The following RECQL5 variants were observed in gnomAD, a reference collection of about 807,000 sequenced individuals.
RECQL5 encodes ATP-dependent DNA helicase Q5.
RECQL5 carries 88 observed loss-of-function variants against 103.4 expected under a neutral mutation model. That is an observed-to-expected ratio of 0.85 (90% confidence interval 0.72 to 1.02). RECQL5 has a LOEUF of 1.02. Among genes scored for constraint, RECQL5 ranks in the 50% least tolerant of loss-of-function variants. The pLI is 0.00. For missense variants in RECQL5, 1,232 were observed against 1,284.3 expected, an observed-to-expected ratio of 0.96 and a Z score of 0.62; for synonymous variants, 552 against 507.9, an observed-to-expected ratio of 1.09 and a Z score of -1.17.
chr17:75,633,971 G>A (rs1355201757), intron 8 of RECQL5: 1 of 985,510 alleles, frequency 1.0e-6, no homozygotes, highest in Non-Finnish European at 1.2e-6. Context: ...TGGAGGACAA[G>A]TTCCCAAGCA....
Position 75,662,420 on chromosome 17 carries a change from TCCATCA to T in RECQL5, c.771+53_771+58del. ...CAAAGGTCTTAGACTAATCTCCATC[TCCATCA>T]CATCGCACCCCACTGCTCTAACAGC... On this transcript the variant is annotated intron_variant, in intron 4 of 19. Coordinates refer to ENST00000317905, the MANE Select transcript of RECQL5 (RefSeq NM_004259.7). The T allele has an allele frequency of 2.6e-6, 4 of 1,544,338 alleles. No homozygotes were observed. In the South Asian group the frequency reaches 4.9e-5, roughly 19 times the overall value.
intron 7 of RECQL5, among the ~76,000 whole-genome samples, chr17:75,655,881 T>C (rs1167395056): frequency 6.6e-6 from 1 of 151,474 alleles, no homozygotes; most frequent in African/African-American, 2.4e-5. Flanking sequence ...CGGGCTTCAC[T>C]ATGTTGGGCC....
intron 17 of RECQL5, 34 bp from the exon 18 acceptor site, chr17:75,628,476 G>T: frequency 6.2e-7 from 1 of 1,602,636 alleles, no homozygotes; most frequent in Non-Finnish European, 8.5e-7. Context: ...TCACTCCTGA[G>T]CTCCCTTCCA....
chr17:75,634,634 A>G (rs965765751), intron 8 of RECQL5, among the ~76,000 whole-genome samples: 1 of 152,134 alleles, frequency 6.6e-6, no homozygotes, highest in Non-Finnish European at 1.5e-5. Flanking sequence ...CCCAGCCAGC[A>G]TGCGGCGCCC....
At chr17:75,653,663 C>G (rs562883070) in intron 7 of RECQL5, among the ~76,000 whole-genome samples, 1 of 152,256 alleles carries the variant, frequency 6.6e-6, no homozygotes, top group East Asian at 1.9e-4. Context: ...CTTTGGGAGG[C>G]TGAGGTAGGT....
Position 75,667,101 on chromosome 17 carries a change from T to C in RECQL5, c.-72A>G. 4.4e-6 allele frequency: 2 copies of C among 452,668 alleles called. No homozygotes were observed. The highest frequency in any genetic ancestry group is 3.9e-6 in the Non-Finnish European group (1 of 254,030). The allele number at this position is 452,668 out of a possible 1,614,324, so 28.0% of individuals were successfully genotyped here. ...GGCTGCTGGCTGGTTCCGGAACTGT[T>C]CGAAGACCCCTATACACAACCCCAA... On this transcript the variant is annotated 5_prime_UTR_variant, in exon 1 of 20. Coordinates refer to ENST00000317905, the MANE Select transcript of RECQL5 (RefSeq NM_004259.7).
chr17:75,640,768 C>A lies in RECQL5; in HGVS notation c.1230-9100G>T. ...CCTTTCTCTCCCCCAACCTGAGTCC[C>A]GTGCTCTCTCCCGGCCCTCCAGCTA... On this transcript the variant is annotated intron_variant, in intron 8 of 19. Coordinates refer to ENST00000317905, the MANE Select transcript of RECQL5 (RefSeq NM_004259.7). The surrounding 1 kb of genome is among the most constrained non-coding windows in gnomAD (Gnocchi z 4.6). 1 of 1,547,302 alleles carries A rather than the reference C, an allele frequency of 6.5e-7. No individual in the cohort carries two copies. The highest frequency in any genetic ancestry group is 8.7e-7 in the Non-Finnish European group (1 of 1,144,850).
Position 75,627,651 on chromosome 17 carries a change from C to T in RECQL5, c.2847G>A (p.Leu949=). 2 of 1,612,302 alleles carry T rather than the reference C, an allele frequency of 1.2e-6. No homozygotes were observed. The highest frequency in any genetic ancestry group is 1.1e-5 in the South Asian group (1 of 90,824). Residue 949 remains leucine (L), a synonymous_variant, in exon 19 of 20, where the codon CTG becomes CTA. Coordinates refer to ENST00000317905, the MANE Select transcript of RECQL5 (RefSeq NM_004259.7). ...KGFARHLSHL[L]TQKTSPGRSV... ...TCCTTCCAGGAGAGGTCTTCTGAGTCAGCAAGTGTGAGAGGTGGCGGGCAA... is the reference window on the plus strand; with the variant it reads ...TCCTTCCAGGAGAGGTCTTCTGAGTTAGCAAGTGTGAGAGGTGGCGGGCAA...
In RECQL5 at chr17:75,640,773, T is replaced by C. The variant is rs778653203; in HGVS notation, c.1230-9105A>G. 2 of 1,547,784 alleles carry C rather than the reference T, an allele frequency of 1.3e-6. No homozygotes were observed. The highest frequency in any genetic ancestry group is 1.2e-5 in the South Asian group (1 of 84,008). On this transcript the variant is annotated intron_variant, in intron 8 of 19. Transcript: ENST00000317905. This position sits in a 1 kb window ranked among gnomAD's most constrained non-coding sequence, Gnocchi z 4.6. ...CTCTCCCCCAACCTGAGTCCCGTGC[T>C]CTCTCCCGGCCCTCCAGCTACTGTT...
At chr17:75,650,694 C>G in intron 8 of RECQL5, 1 of 1,613,976 alleles carries the variant, frequency 6.2e-7, no homozygotes, top group African/African-American at 1.3e-5. Context: ...CCCTCAGACT[C>G]TTTCCGTGGC....
At chr17:75,627,742 G>A (rs749585124) in intron 18 of RECQL5, 50 bp from the exon 19 acceptor site, 48 of 1,523,760 alleles carry the variant, frequency 3.2e-5, no homozygotes, top group East Asian at 9.5e-5. Flanking sequence ...CTTGGTGGCC[G>A]GGCGCAGTGG....
At chr17:75,645,795 G>C (rs1367659591) in intron 8 of RECQL5, among the ~76,000 whole-genome samples, 1 of 152,174 alleles carries the variant, frequency 6.6e-6, no homozygotes, top group African/African-American at 2.4e-5. Flanking sequence ...ATCACCTGGG[G>C]ATGTGTAAAC....
rs370893540 is a variant in RECQL5 at position 75,667,121 on chromosome 17, C to T, written c.-92G>A. 6.4e-5 allele frequency: 33 copies of T among 519,078 alleles called. No individual in the cohort carries two copies. The East Asian group carries it at 8.8e-4, about 14-fold the overall frequency. The allele number at this position is 519,078 out of a possible 1,614,324, so 32.2% of individuals were successfully genotyped here. A position where few individuals can be genotyped will look rare whatever the true frequency, so the allele number is the denominator to read the frequency against. On this transcript the variant is annotated 5_prime_UTR_variant, in exon 1 of 20. Transcript: ENST00000317905. ...ACTGTTCGAAGACCCCTATACACAA[C>T]CCCAACTCAGAGAAGCCAAAGCGCT...
chr17:75,663,074 C>T (rs2059720550), intron 3 of RECQL5, 77 bp from the exon 4 acceptor site: 3 of 1,404,440 alleles, frequency 2.1e-6, no homozygotes, highest in Non-Finnish European at 2.9e-6. Flanking sequence ...GAGGATTTCC[C>T]AGTCATAAAC....
chr17:75,643,096 C>T (rs1030627436), intron 8 of RECQL5, among the ~76,000 whole-genome samples: 7 of 152,340 alleles, frequency 4.6e-5, no homozygotes, highest in Middle Eastern at 3.4e-3. Flanking sequence ...GCACCCCTCC[C>T]GGAAGAAAAA....
At position 75,639,911 on chromosome 17, in the gene RECQL5, C is replaced by T. The variant is rs2059401405; in HGVS notation, c.1230-8243G>A. 8.8e-6 allele frequency: 3 copies of T among 340,508 alleles called. No individual in the cohort carries two copies. The South Asian group carries it at 1.9e-4, about 21-fold the overall frequency. 21.1% of individuals were successfully genotyped at this position (340,508 alleles called of 1,614,324 possible). A position where few individuals can be genotyped will look rare whatever the true frequency, so the allele number is the denominator to read the frequency against. On this transcript the variant is annotated intron_variant, in intron 8 of 19. Transcript: ENST00000317905. ...GAACAGCGAAGCCAGAAACCACCACCAGCCGCCGCCTTGGCCGGCAGCCCC... is the reference window on the plus strand; with the variant it reads ...GAACAGCGAAGCCAGAAACCACCACTAGCCGCCGCCTTGGCCGGCAGCCCC...
chr17:75,666,947 C>T, intron 1 of RECQL5, 97 bp downstream of exon 1: 1 of 258,398 alleles, frequency 3.9e-6, no homozygotes, highest in Non-Finnish European at 7.5e-6. Context: ...TTCTTCCACC[C>T]CGGGACCCCG....
At chr17:75,659,213 C>G (rs1245207191) in intron 6 of RECQL5, among the ~76,000 whole-genome samples, 1 of 152,164 alleles carries the variant, frequency 6.6e-6, no homozygotes, top group African/African-American at 2.4e-5. Flanking sequence ...AGGTGGGCGC[C>G]ACCATGCCCA....
rs2059113844 is a variant in RECQL5, at chr17:75,627,319, A to AG, written c.*102dup. 2.2e-6 allele frequency: 2 copies of AG among 890,334 alleles called. No individual in the cohort carries two copies. The highest frequency in any genetic ancestry group is 3.7e-6 in the Non-Finnish European group (2 of 542,714). The allele number at this position is 890,334 out of a possible 1,614,324, so 55.2% of individuals were successfully genotyped here. A position where few individuals can be genotyped will look rare whatever the true frequency, so the allele number is the denominator to read the frequency against. On this transcript the variant is annotated 3_prime_UTR_variant, in exon 20 of 20. Coordinates refer to ENST00000317905, the MANE Select transcript of RECQL5 (RefSeq NM_004259.7). ...AAGCCAAGTATGGTTGGAAAGGAGA[A>AG]GGACTGAGAAAAGACGATGGCCCTG... is the stretch of plus-strand genomic sequence containing the variant.
Sources: allele counts gnomAD v4.1 joint callset (sites outside exome capture counted in the v4.1 genomes callset), GRCh38; gene constraint gnomAD v4.1.1; non-coding constraint Gnocchi (gnomAD v3.1); transcripts MANE v1.5; gene names NCBI Gene and HGNC (gene_info 2026-07-23, HGNC 2026-07-21).